MXRA5: variants seen among roughly 807,000 people sequenced by gnomAD.
The protein encoded by MXRA5 is matrix remodeling associated 5.
Under a neutral mutation model 112.5 loss-of-function variants are expected in MXRA5, and 41 were observed. That is an observed-to-expected ratio of 0.36 (90% CI 0.28 to 0.47). The LOEUF is 0.47. Ranked by LOEUF, MXRA5 falls within the 20% of genes least tolerant of loss-of-function variation. The pLI is 0.99. For missense variants in MXRA5, 2,150 were observed against 2,251.0 expected, an observed-to-expected ratio of 0.96 and a Z score of 0.91; for synonymous variants, 862 against 900.8, an observed-to-expected ratio of 0.96 and a Z score of 0.77.
rs1253418969 is a variant in MXRA5 at position 3,317,848 on chromosome X, C to A, written c.5833G>T (p.Val1945Phe). 1 of 1,209,299 alleles carries A rather than the reference C, an allele frequency of 8.3e-7. No homozygotes were observed. The highest frequency in any genetic ancestry group is 1.1e-6 in the Non-Finnish European group (1 of 895,106). Residue 1945 changes from valine (V) to phenylalanine (F), a missense_variant, in exon 6 of 7, where the codon GTC (valine) becomes TTC (phenylalanine). Transcript: ENST00000217939. ...GLDRMVVLLS[V>F]TVQQPQILAS... ...AGGATTTGAGGTTGCTGCACGGTGA[C>A]CGAAAGCAAGACCACCATCCTGTCC...
At chrX:3,341,104 A>ATATATTATATATG (rs1569188368) in intron 2 of MXRA5, among the ~76,000 whole-genome samples, 1 of 31,924 alleles carries the variant, frequency 3.1e-5, no homozygotes. Context: ...GTTATACATA[A>ATATATTATATATG]TATAATATAA....
chrX:3,345,851 C>A (rs188933998), intron 1 of MXRA5, among the ~76,000 whole-genome samples: 13,438 of 112,456 alleles, frequency 0.12, 839 homozygotes, highest in East Asian at 0.33. Context: ...TTTCCCGGAA[C>A]GCGGCTGGGG....
At position 3,317,245 on chromosome X, in the gene MXRA5, C is replaced by T. The variant is rs773378476; in HGVS notation, c.6436G>A (p.Ala2146Thr). 3 of 1,211,055 alleles carry T rather than the reference C, an allele frequency of 2.5e-6. No homozygotes were observed. The South Asian group carries it at 5.3e-5, about 21-fold the overall frequency. ...CGCGGGGAGGTGCCCGTGATGCGCG[C>T]GTTGGCTGCTGCACGCTGCACGTTC... ...QLNVQRAAAN[A>T]RITGTSPRRT... is the part of the protein sequence containing the mutation. The change falls in exon 6 of 7, where the codon GCG becomes ACG. Residue 2146 changes from alanine (A) to threonine (T), a missense_variant. Ala to Thr is a moderately conservative substitution (Grantham distance 58). This residue lies in a region of MXRA5 where 1,485 missense variants were observed against 1,471.6 expected (regional missense o/e 1.01). Coordinates refer to ENST00000217939, the MANE Select transcript of MXRA5 (RefSeq NM_015419.4).
chrX:3,323,309 C>G lies in MXRA5; in HGVS notation c.2376G>C (p.Gly792=). The change falls in exon 5 of 7, where the codon GGG becomes GGC. Residue 792 remains glycine (G), a synonymous_variant. Transcript: ENST00000217939. ...RWADILAKVR[G]KNLPKGTEVP... is the part of the protein sequence containing the mutation. ...CTTCTGTGCCCTTAGGGAGATTTTT[C>G]CCACGGACTTTGGCTAAAATATCAG... 7.4e-6 allele frequency: 9 copies of G among 1,211,562 alleles called. No individual in the cohort carries two copies. Among genetic ancestry groups the G allele is most frequent in the Non-Finnish European group, 1.0e-5 (9 of 895,506 alleles).
Position 3,331,481 on chromosome X carries a change from C to T in MXRA5, c.189-708G>A, listed in dbSNP as rs977061403. On this transcript the variant is annotated intron_variant, in intron 2 of 6. Coordinates refer to ENST00000217939, the MANE Select transcript of MXRA5 (RefSeq NM_015419.4). Reference sequence around the variant, plus strand: ...GAAGTGACAGTAATAAAGAGGGACACGTGGCTAGCAGGGCCGGGAAAATCC... The same window carrying T: ...GAAGTGACAGTAATAAAGAGGGACATGTGGCTAGCAGGGCCGGGAAAATCC... 1.3e-4 allele frequency among the ~76,000 whole-genome samples: 15 copies of T among 111,563 alleles called. 1 individual carries two copies. The highest frequency in any genetic ancestry group is 9.5e-4 in the Admixed American group (10 of 10,492).
chrX:3,330,144 C>A lies in MXRA5; in HGVS notation c.583G>T (p.Val195Phe). The stretch of plus-strand genomic sequence containing the variant: ...AGCATGCTGGCAGGAAGAGTTCTAA[C>A]CATGTTCTCTGCTAAGTAGAGGTGC... Reference protein sequence around the residue: ...IRHLYLAENMVRTLPASMLRN... With the variant: ...IRHLYLAENMFRTLPASMLRN... The change falls in exon 4 of 7, where the codon GTT becomes TTT. Residue 195 changes from valine (V) to phenylalanine (F), a missense_variant. Transcript: ENST00000217939. 1.7e-6 allele frequency: 2 copies of A among 1,209,282 alleles called. No homozygotes were observed. The highest frequency in any genetic ancestry group is 2.2e-6 in the Non-Finnish European group (2 of 894,228).
In MXRA5 at chrX:3,311,431, C is replaced by T. The variant is rs767601853; in HGVS notation, c.6772G>A (p.Gly2258Arg). ...KEENDHKVFY[G>R]GDLKVDCVAT... Reference sequence around the variant, plus strand: ...ACACAGTCCACTTTCAGGTCACCCCCGTAGAAGACTTTGTGGTCGTTCTCC... The same window carrying T: ...ACACAGTCCACTTTCAGGTCACCCCTGTAGAAGACTTTGTGGTCGTTCTCC... Residue 2258 changes from glycine to arginine, a missense_variant, in exon 7 of 7, where the codon GGG (glycine) becomes AGG (arginine). Physicochemically the swap from Gly to Arg is moderately radical, Grantham distance 125 (BLOSUM62 -2). Coordinates refer to ENST00000217939, the MANE Select transcript of MXRA5 (RefSeq NM_015419.4). The T allele has an allele frequency of 6.6e-6, 8 of 1,211,759 alleles. No individual in the cohort carries two copies. The highest frequency in any genetic ancestry group is 3.0e-5 in the East Asian group (1 of 33,810).
At position 3,314,881 on chromosome X, in the gene MXRA5, C is replaced by T. The variant is rs193225457; in HGVS notation, c.6578+2222G>A. Among the ~76,000 whole-genome samples the T allele has an allele frequency of 6.6e-3, 674 of 102,646 alleles. 4 individuals carry two copies. Among genetic ancestry groups the T allele is most frequent in the Non-Finnish European group, 0.01 (519 of 50,326 alleles). The allele number at this position is 102,646 out of a possible 115,157, so 89.1% of individuals were successfully genotyped here. A position where few individuals can be genotyped will look rare whatever the true frequency, so the allele number is the denominator to read the frequency against. On this transcript the variant is annotated intron_variant, in intron 6 of 6. Transcript: ENST00000217939. ...CAACTGCCATAGACAGGTAGGTAGG[C>T]AGATAGATAGATAGATAGATAGATA... is the stretch of plus-strand genomic sequence containing the variant.
rs778546280 is a variant in MXRA5, at chrX:3,322,587, T to C, written c.3098A>G (p.His1033Arg). The change falls in exon 5 of 7, where the codon CAT (histidine) becomes CGT (arginine). Residue 1033 changes from histidine (H) to arginine (R), a missense_variant. His to Arg is a conservative substitution (Grantham distance 29, BLOSUM62 0). Transcript: ENST00000217939. ...IGEPGVPGQSHLQGLTDNIHL... is the reference protein window; with the variant it reads ...IGEPGVPGQSRLQGLTDNIHL... Reference sequence around the variant, plus strand: ...GATGTTGTCTGTCAGTCCTTGTAGATGTGATTGGCCTGGGACACCTGGTTC... The same window carrying C: ...GATGTTGTCTGTCAGTCCTTGTAGACGTGATTGGCCTGGGACACCTGGTTC... 33 of 1,212,006 alleles carry C rather than the reference T, an allele frequency of 2.7e-5. No homozygotes were observed. In the South Asian group the frequency reaches 5.3e-4, roughly 19 times the overall value.
At position 3,309,773 on chromosome X, in the gene MXRA5, G is replaced by A. The variant is rs775666995; in HGVS notation, c.8430C>T (p.Cys2810=). The change falls in exon 7 of 7, where the codon TGC becomes TGT. Residue 2810 remains cysteine (C), a synonymous_variant. Coordinates refer to ENST00000217939, the MANE Select transcript of MXRA5 (RefSeq NM_015419.4). ...ATQRDAGFYK[C]MAKNILGSDS... is the part of the protein sequence containing the mutation. Reference sequence around the variant, plus strand: ...CACTGCCGAGAATGTTTTTTGCCATGCACTTGTAGAAGCCGGCATCTCTCT... The same window carrying A: ...CACTGCCGAGAATGTTTTTTGCCATACACTTGTAGAAGCCGGCATCTCTCT... 25 of 1,209,596 alleles carry A rather than the reference G, an allele frequency of 2.1e-5. No individual in the cohort carries two copies. The South Asian group carries it at 4.1e-4, about 20-fold the overall frequency.
chrX:3,345,191 G>GTA (rs1043779178), intron 1 of MXRA5, among the ~76,000 whole-genome samples: 20 of 112,454 alleles, frequency 1.8e-4, no homozygotes, highest in African/African-American at 5.8e-4. Flanking sequence ...TCCCAAACCT[G>GTA]TAGCTTTTCC....
In MXRA5 at chrX:3,324,469, G is replaced by A; in HGVS notation, c.1216C>T (p.Gln406Ter). 8.3e-7 allele frequency: 1 copy of A among 1,211,513 alleles called. No individual in the cohort carries two copies. Among genetic ancestry groups the A allele is most frequent in the Non-Finnish European group, 1.1e-6 (1 of 895,452 alleles). Reference protein sequence around the residue: ...MLSKDPRVSYQYRQDADEEAL... With the variant: ...MLSKDPRVSY ...TCCTCATCAGCATCCTGCCTGTACT[G>A]GTAGCTGACTCTGGGGTCTTTGCTG... Residue 406 changes from glutamine to a stop codon, truncating the protein, a stop_gained, in exon 5 of 7, where the codon CAG becomes TAG. Transcript: ENST00000217939. LOFTEE classifies it high-confidence loss of function.
At position 3,329,319 on chromosome X, in the gene MXRA5, A is replaced by AGAAGGAAGGAAGGAAGGAAAAAAGAAG. The variant is rs371190156; in HGVS notation, c.709+698_709+699insCTTCTTTTTTCCTTCCTTCCTTCCTTC. Among the ~76,000 whole-genome samples, 36 of 88,454 alleles carry AGAAGGAAGGAAGGAAGGAAAAAAGAAG rather than the reference A, an allele frequency of 4.1e-4. 1 individual carries two copies. Among genetic ancestry groups the AGAAGGAAGGAAGGAAGGAAAAAAGAAG allele is most frequent in the Non-Finnish European group, 6.2e-4 (28 of 45,098 alleles). The allele number at this position is 88,454 out of a possible 115,157, so 76.8% of individuals were successfully genotyped here. On this transcript the variant is annotated intron_variant, in intron 4 of 6. Coordinates refer to ENST00000217939, the MANE Select transcript of MXRA5 (RefSeq NM_015419.4). Reference sequence around the variant, plus strand: ...AAAGAAGGAAGGAAGGAAGGAAAAAAGAAGGAAGGAAGGAGAGAAGGAAGA... The same window carrying AGAAGGAAGGAAGGAAGGAAAAAAGAAG: ...AAAGAAGGAAGGAAGGAAGGAAAAAAGAAGGAAGGAAGGAAGGAAAAAAGAAGGAAGGAAGGAAGGAGAGAAGGAAGA...
At chrX:3,342,080 T>C (rs1431869896) in intron 2 of MXRA5, among the ~76,000 whole-genome samples, 1 of 110,546 alleles carries the variant, frequency 9.0e-6, no homozygotes, top group African/African-American at 3.3e-5. Flanking sequence ...GGAAATCGTG[T>C]CCTTTCCAGA....
rs751486197 is a variant in MXRA5, at chrX:3,320,767, G to A, written c.4918C>T (p.Arg1640Cys). 2.2e-5 allele frequency: 27 copies of A among 1,210,294 alleles called. No homozygotes were observed. Among genetic ancestry groups the A allele is most frequent in the South Asian group, 3.5e-5 (2 of 56,824 alleles). Residue 1640 changes from arginine to cysteine, a missense_variant, in exon 5 of 7, where the codon CGT becomes TGT. By Grantham distance (180) the Arg-to-Cys change is radical. Around this residue, in one of 6 missense-constraint regions of MXRA5, gnomAD observed 1,485 missense variants for 1,471.6 expected, o/e 1.01. Coordinates refer to ENST00000217939, the MANE Select transcript of MXRA5 (RefSeq NM_015419.4). Reference sequence around the variant, plus strand: ...ATTTCCGGTTTGTTGGTCCAGTGACGAGGTGACTGGGAAGTTACAAAGTAT... The same window carrying A: ...ATTTCCGGTTTGTTGGTCCAGTGACAAGGTGACTGGGAAGTTACAAAGTAT... ...SRYFVTSQSP[R>C]HWTNKPEITT...
At chrX:3,335,299 C>A (rs1487051453) in intron 2 of MXRA5, among the ~76,000 whole-genome samples, 1 of 111,643 alleles carries the variant, frequency 9.0e-6, no homozygotes, top group Admixed American at 9.5e-5. Context: ...CGGATTCAAG[C>A]AATTCTCTGG....
rs749861306 is a variant in MXRA5 at position 3,310,461 on chromosome X, C to T, written c.7742G>A (p.Gly2581Asp). The T allele has an allele frequency of 2.5e-6, 3 of 1,200,450 alleles. No homozygotes were observed. The South Asian group carries it at 5.4e-5, about 22-fold the overall frequency. ...TPSLVWVLPN[G>D]TDLQSGQQLQ... ...CTGCTGTCCACTCTGCAGATCGGTGCCATTGGGAAGGACCCACACCAGGCT... is the reference window on the plus strand; with the variant it reads ...CTGCTGTCCACTCTGCAGATCGGTGTCATTGGGAAGGACCCACACCAGGCT... The change falls in exon 7 of 7, where the codon GGC becomes GAC. Residue 2581 changes from glycine to aspartate, a missense_variant. Transcript: ENST00000217939.
chrX:3,345,319 C>T (rs966014393), intron 1 of MXRA5, among the ~76,000 whole-genome samples: 53 of 112,819 alleles, frequency 4.7e-4, no homozygotes, highest in East Asian at 2.5e-3. Context: ...AGTCCGGGCT[C>T]CGCCTCTGGG....
Position 3,310,964 on chromosome X carries a change from G to T in MXRA5, c.7239C>A (p.Ser2413Arg), listed in dbSNP as rs151229903. The change falls in exon 7 of 7, where the codon AGC (serine) becomes AGA (arginine). Residue 2413 changes from serine (S) to arginine (R), a missense_variant. Physicochemically the swap from Ser to Arg is moderately radical, Grantham distance 110. Coordinates refer to ENST00000217939, the MANE Select transcript of MXRA5 (RefSeq NM_015419.4). Reference sequence around the variant, plus strand: ...TCCTGACCAAGCAGGTGTAGTTGCCGCTGTCAGAACGCTGGGCTTTCTGAA... The same window carrying T: ...TCCTGACCAAGCAGGTGTAGTTGCCTCTGTCAGAACGCTGGGCTTTCTGAA... ...LLIQKAQRSD[S>R]GNYTCLVRNS... 27 of 1,209,536 alleles carry T rather than the reference G, an allele frequency of 2.2e-5. No individual in the cohort carries two copies. The highest frequency in any genetic ancestry group is 2.9e-5 in the Non-Finnish European group (26 of 895,223).
Sources: gnomAD v4.1 joint callset for allele counts (sites outside exome capture counted in the v4.1 genomes callset) on GRCh38, gnomAD v4.1.1 for gene constraint, gnomAD v4.1.1 regional missense constraint, MANE v1.5 for transcripts, NCBI Gene and HGNC (gene_info 2026-07-23, HGNC 2026-07-21) for gene names.